SLC39A8: variants seen among roughly 807,000 people sequenced by gnomAD.
The protein encoded by SLC39A8 is metal cation symporter ZIP8.
A neutral mutation model predicts 40.4 loss-of-function variants in SLC39A8; 15 were observed. That is an observed-to-expected ratio of 0.37 (90% confidence interval 0.25 to 0.57). The LOEUF (loss-of-function observed/expected upper bound fraction) is 0.57. SLC39A8 is among the 20% of genes least tolerant of loss of function. The pLI is 0.75. For synonymous variants in SLC39A8, 223 were observed against 221.6 expected, an observed-to-expected ratio of 1.01 and a Z score of -0.06; for missense variants, 472 against 558.8, an observed-to-expected ratio of 0.84 and a Z score of 1.57.
chr4:102,315,574 A>T, intron 3 of SLC39A8, 94 bp downstream of exon 3: 2 of 1,097,304 alleles, frequency 1.8e-6, no homozygotes, highest in Non-Finnish European at 2.5e-6. Context: ...TAGATTAATT[A>T]AAAGCAATAA....
At chr4:102,259,597 GC>G, downstream of SLC39A8, 1 of 1,074,904 alleles carries the variant, frequency 9.3e-7, no homozygotes, top group South Asian at 1.5e-5. Flanking sequence ...TGTAAATCTA[GC>G]CCCGCCATGG....
At chr4:102,271,035 G>T (rs907139940) in intron 6 of SLC39A8, among the ~76,000 whole-genome samples, 11 of 151,916 alleles carry the variant, frequency 7.2e-5, no homozygotes, top group Admixed American at 7.2e-4. Context: ...ATGAGGAGGA[G>T]GAGGAGGAAG....
chr4:102,277,340 C>A (rs530052408), intron 6 of SLC39A8, among the ~76,000 whole-genome samples: 1 of 152,176 alleles, frequency 6.6e-6, no homozygotes, highest in Non-Finnish European at 1.5e-5. Flanking sequence ...TCCTATACAC[C>A]AATAACAGAC....
intron 5 of SLC39A8, 72 bp downstream of exon 5, chr4:102,304,917 C>A: frequency 7.6e-7 from 1 of 1,322,940 alleles, no homozygotes; most frequent in South Asian, 1.4e-5. Context: ...AATAAAATTT[C>A]TGTCTTTATT....
At chr4:102,281,418 A>G (rs2149016031) in intron 6 of SLC39A8, among the ~76,000 whole-genome samples, 1 of 152,368 alleles carries the variant, frequency 6.6e-6, no homozygotes, top group African/African-American at 2.4e-5. Context: ...GACATGAATT[A>G]CATCAAGAAC....
intron 2 of SLC39A8, among the ~76,000 whole-genome samples, chr4:102,329,414 A>G (rs944481361): frequency 2.0e-5 from 3 of 152,100 alleles, no homozygotes; most frequent in Non-Finnish European, 2.9e-5. Context: ...CCTGATGTCA[A>G]GAGTTCAAGA....
chr4:102,288,709 A>G (rs1733293111), intron 6 of SLC39A8, among the ~76,000 whole-genome samples: 1 of 152,152 alleles, frequency 6.6e-6, no homozygotes, highest in Admixed American at 6.6e-5. Flanking sequence ...GTAAAATTTG[A>G]GTGGTTTGGA....
intron 2 of SLC39A8, among the ~76,000 whole-genome samples, chr4:102,335,868 T>G (rs1439279973): frequency 6.6e-6 from 1 of 152,162 alleles, no homozygotes; most frequent in Non-Finnish European, 1.5e-5. Flanking sequence ...TCACTGATCT[T>G]TTTTTTCATT....
Position 102,267,517 on chromosome 4 carries a change from C to T in SLC39A8, c.1206G>A (p.Met402Ile), listed in dbSNP as rs748000585. ...TATCTGCCAGAGAAATATAGAGGAA[C>T]ATGCCTCCAGCAAGTGCAAATATAA... The part of the protein sequence containing the change: ...PNIIFALAGG[M>I]FLYISLADMF... Residue 402 changes from methionine (M) to isoleucine (I), a missense_variant, in exon 8 of 9, where the codon ATG becomes ATA. By Grantham distance (10) the Met-to-Ile change is conservative. Coordinates refer to ENST00000356736, the MANE Select transcript of SLC39A8 (RefSeq NM_001135146.2). 6.2e-7 allele frequency: 1 copy of T among 1,610,462 alleles called. No individual in the cohort carries two copies.
intron 6 of SLC39A8, among the ~76,000 whole-genome samples, chr4:102,293,364 C>T (rs1165590058): frequency 6.6e-6 from 1 of 151,974 alleles, no homozygotes; most frequent in Admixed American, 6.6e-5. Flanking sequence ...ACCACTTCTA[C>T]TCAACATTGT....
At position 102,262,161 on chromosome 4, in the gene SLC39A8, TTA is replaced by T; in HGVS notation, c.*881_*882del. 2.0e-6 allele frequency: 2 copies of T among 985,898 alleles called. No homozygotes were observed. The highest frequency in any genetic ancestry group is 2.4e-6 in the Non-Finnish European group (2 of 829,812). 61.1% of individuals were successfully genotyped at this position (985,898 alleles called of 1,614,324 possible). ...TATTAAAATATTCTCTGCTAAATAG[TTA>T]TGTTTGTCTTTAAAAGTAAATTGCA... On this transcript the variant is annotated 3_prime_UTR_variant, in exon 9 of 9. Transcript: ENST00000356736.
chr4:102,337,985 G>A (rs1735750154), intron 2 of SLC39A8, among the ~76,000 whole-genome samples: 1 of 151,910 alleles, frequency 6.6e-6, no homozygotes, highest in African/African-American at 2.4e-5. Context: ...AACCAGATAA[G>A]CCAAATTGAC....
intron 2 of SLC39A8, among the ~76,000 whole-genome samples, chr4:102,324,474 T>C (rs1372668321): frequency 1.3e-5 from 2 of 150,588 alleles, no homozygotes; most frequent in African/African-American, 4.8e-5. Context: ...TATACTTCGC[T>C]TTCTGCACTT....
chr4:102,325,672 TA>T (rs1202832431), intron 2 of SLC39A8, among the ~76,000 whole-genome samples: 3 of 152,198 alleles, frequency 2.0e-5, no homozygotes, highest in African/African-American at 7.2e-5. Context: ...TGTGTGGTTT[TA>T]TTTTTTTTCC....
At chr4:102,297,676 G>A (rs1733738803) in intron 6 of SLC39A8, among the ~76,000 whole-genome samples, 1 of 152,008 alleles carries the variant, frequency 6.6e-6, no homozygotes, top group African/African-American at 2.4e-5. Context: ...CAATACTTTG[G>A]GAGGCTAAGG....
chr4:102,256,819 G>A (rs1395463365), downstream of SLC39A8, among the ~76,000 whole-genome samples: 1 of 152,204 alleles, frequency 6.6e-6, no homozygotes, highest in Non-Finnish European at 1.5e-5. Context: ...GCTCAAATGA[G>A]GGTAAGGTGA....
chr4:102,300,964 T>G (rs1481292781), intron 6 of SLC39A8, among the ~76,000 whole-genome samples: 2 of 152,020 alleles, frequency 1.3e-5, no homozygotes, highest in Non-Finnish European at 2.9e-5. Context: ...TTTGTTTAAA[T>G]GTCTATTTAT....
At chr4:102,258,246 A>G (rs138386169), downstream of SLC39A8, among the ~76,000 whole-genome samples, 490 of 152,058 alleles carry the variant, frequency 3.2e-3, 5 homozygotes, top group African/African-American at 0.011. Context: ...CTGGGACTAC[A>G]GGTGTGTGTA....
chr4:102,264,282 T>A (rs898190795), intron 8 of SLC39A8, among the ~76,000 whole-genome samples: 1 of 152,222 alleles, frequency 6.6e-6, no homozygotes, highest in African/African-American at 2.4e-5. Flanking sequence ...ACAAAAACTT[T>A]CATCTCCTTG....
Sources: allele counts gnomAD v4.1 joint callset (sites outside exome capture counted in the v4.1 genomes callset), GRCh38; gene constraint gnomAD v4.1.1; transcripts MANE v1.5; gene names NCBI Gene and HGNC (gene_info 2026-07-23, HGNC 2026-07-21).